Variants in SOX5 observed in about 807,000 individuals in gnomAD.
The protein encoded by SOX5 is SRY-box transcription factor 5.
In SOX5, 9 loss-of-function variants were observed where a neutral mutation model predicts 92.0. The observed-to-expected ratio is 0.10, with a 90% CI of 0.06 to 0.17. SOX5 has a LOEUF of 0.17. Ranked by LOEUF, SOX5 falls within the 10% of genes least tolerant of loss-of-function variation. The pLI is 1.00. For missense variants in SOX5, 642 were observed against 944.5 expected (o/e 0.68, Z 4.20); for synonymous variants, 344 against 336.3 (o/e 1.02, Z -0.25).
At chr12:24,296,520 C>A (rs573683657) in intron 2 of SOX5, among the ~76,000 whole-genome samples, 1 of 152,192 alleles carries the variant, frequency 6.6e-6, no homozygotes, top group Non-Finnish European at 1.5e-5. Context: ...TTTCTCCCTT[C>A]TTGACACAGT....
intron 4 of SOX5, among the ~76,000 whole-genome samples, chr12:24,107,320 T>C (rs899007120): frequency 2.6e-5 from 4 of 152,246 alleles, no homozygotes; most frequent in Admixed American, 2.0e-4. Context: ...TAGTGTGTTT[T>C]AGATTATAGT....
intron 1 of SOX5, among the ~76,000 whole-genome samples, chr12:23,923,293 AAATGAATGAATGAATG>A (rs142332141): frequency 7.4e-5 from 11 of 149,026 alleles, no homozygotes; most frequent in Non-Finnish European, 1.5e-4. Context: ...ACCCAAAAAT[AAATGAATGAATGAATG>A]AATGAATGAA....
intron 3 of SOX5, among the ~76,000 whole-genome samples, chr12:23,800,177 A>G (rs1178005037): frequency 6.6e-6 from 1 of 152,160 alleles, no homozygotes; most frequent in East Asian, 1.9e-4. Context: ...GTTGAAAAAA[A>G]GAAGAATATT....
Position 24,543,235 on chromosome 12 carries a change from C to T in SOX5, c.-251+19094G>A, listed in dbSNP as rs540971288. ...ATCTTCCTCATTAGACTGGAAGCTC[C>T]GTAAGGGTAAGGACCAAATCTCTTC... On this transcript the variant is annotated intron_variant, in intron 1 of 4. Transcript: ENST00000446891. 7.3e-4 allele frequency among the ~76,000 whole-genome samples: 111 copies of T among 152,296 alleles called. 4 individuals carry two copies. In the South Asian group the frequency reaches 0.022, roughly 30 times the overall value.
chr12:23,884,628 A>T (rs932168726), intron 2 of SOX5, among the ~76,000 whole-genome samples: 1 of 152,232 alleles, frequency 6.6e-6, no homozygotes, highest in Admixed American at 6.5e-5. Context: ...AATATTTTTA[A>T]AAAGATTTTA....
chr12:23,687,931 C>T (rs545414509), intron 6 of SOX5, among the ~76,000 whole-genome samples: 51 of 151,544 alleles, frequency 3.4e-4, no homozygotes, highest in African/African-American at 1.2e-3. Context: ...ATCAGCCTGC[C>T]ACTGATCACC....
chr12:24,127,298 G>A (rs994784628), intron 4 of SOX5, among the ~76,000 whole-genome samples: 3 of 151,608 alleles, frequency 2.0e-5, no homozygotes, highest in Non-Finnish European at 2.9e-5. Flanking sequence ...GGCTCAGGTG[G>A]GAGGATTGCT....
At chr12:24,207,873 CT>C (rs1197749140) in intron 4 of SOX5, among the ~76,000 whole-genome samples, 1 of 152,170 alleles carries the variant, frequency 6.6e-6, no homozygotes, top group African/African-American at 2.4e-5. Flanking sequence ...GTTCCAGAAT[CT>C]CCAATGTGGA....
intron 1 of SOX5, chr12:24,407,711 T>G (rs1400729075): frequency 6.6e-6 from 1 of 152,204 alleles, no homozygotes; most frequent in African/African-American, 2.4e-5. Context: ...TATATACTAC[T>G]ATAGAAGCCT....
intron 2 of SOX5, among the ~76,000 whole-genome samples, chr12:23,893,121 G>A (rs1172875603): frequency 2.6e-5 from 4 of 152,116 alleles, no homozygotes; most frequent in Non-Finnish European, 5.9e-5. Flanking sequence ...GCAGTTCATC[G>A]TTTTTTAGTT....
intron 4 of SOX5, among the ~76,000 whole-genome samples, chr12:24,006,404 T>A (rs867197615): frequency 3.9e-5 from 6 of 152,178 alleles, no homozygotes; most frequent in Admixed American, 2.0e-4. Flanking sequence ...ATTCTGTTTA[T>A]CATGGTCCCC....
intron 4 of SOX5, among the ~76,000 whole-genome samples, chr12:24,049,914 G>A (rs1957398721): frequency 6.6e-6 from 1 of 151,744 alleles, no homozygotes; most frequent in Non-Finnish European, 1.5e-5. Context: ...ATCTGGCAGG[G>A]ATATGGCAAC....
At chr12:23,589,545 CA>C (rs932275616) in intron 9 of SOX5, among the ~76,000 whole-genome samples, 2 of 151,674 alleles carry the variant, frequency 1.3e-5, no homozygotes, top group African/African-American at 4.8e-5. Flanking sequence ...AGAACCAGGG[CA>C]AAAAGAGGTA....
At chr12:23,545,766 G>A (rs1323439237) in intron 12 of SOX5, among the ~76,000 whole-genome samples, 1 of 152,008 alleles carries the variant, frequency 6.6e-6, no homozygotes, top group Non-Finnish European at 1.5e-5. Context: ...GCCGCATGCA[G>A]TAACTCACGC....
chr12:23,912,318 A>T (rs530944712), intron 1 of SOX5, among the ~76,000 whole-genome samples: 114 of 152,278 alleles, frequency 7.5e-4, no homozygotes, highest in African/African-American at 2.5e-3. Context: ...CACATCTGCT[A>T]GAATGGCTAA....
intron 4 of SOX5, among the ~76,000 whole-genome samples, chr12:23,752,973 T>C (rs1594045011): frequency 6.6e-6 from 1 of 151,932 alleles, no homozygotes; most frequent in African/African-American, 2.4e-5. Context: ...TAAAATGGCA[T>C]GAATTCTAAC....
intron 4 of SOX5, among the ~76,000 whole-genome samples, chr12:24,045,278 G>A (rs1259200443): frequency 6.6e-6 from 1 of 152,218 alleles, no homozygotes; most frequent in Non-Finnish European, 1.5e-5. Context: ...TCCCTCATAG[G>A]ATTGTTTCAA....
At chr12:24,549,854 T>A (rs1952980720) in intron 1 of SOX5, among the ~76,000 whole-genome samples, 3 of 152,142 alleles carry the variant, frequency 2.0e-5, no homozygotes. Flanking sequence ...GTCAGGAGGA[T>A]TGGCCTGATA....
Position 24,068,737 on chromosome 12 carries a change from TATATATATATACACAC to T in SOX5, c.-2+144590_-2+144605del, listed in dbSNP as rs1359890087. Among the ~76,000 whole-genome samples, 6 of 84,010 alleles carry T rather than the reference TATATATATATACACAC, an allele frequency of 7.1e-5. No individual in the cohort carries two copies. In the South Asian group the frequency reaches 1.4e-3, roughly 19 times the overall value. 55.1% of individuals were successfully genotyped at this position (84,010 alleles called of 152,430 possible). ...ATATATATATATATATATATATATA[TATATATATATACACAC>T]ACACACATTAGTTCCTAGTTTATAT... is the stretch of plus-strand genomic sequence containing the variant. On this transcript the variant is annotated intron_variant, in intron 4 of 4. Transcript: ENST00000446891.
Sources: gnomAD v4.1 joint callset for allele counts (sites outside exome capture counted in the v4.1 genomes callset) on GRCh38, gnomAD v4.1.1 for gene constraint, MANE v1.5 for transcripts, NCBI Gene and HGNC (gene_info 2026-07-23, HGNC 2026-07-21) for gene names.